DEXI: variants seen among roughly 807,000 people sequenced by gnomAD.
DEXI encodes Dexi homolog, also known as dexamethasone-induced protein.
Under a neutral mutation model 2.5 loss-of-function variants are expected in DEXI, and 2 were observed. That is an observed-to-expected ratio of 0.81 (90% CI 0.33 to 2.55). The LOEUF (loss-of-function observed/expected upper bound fraction) is 2.55. DEXI is among the 30% of genes most tolerant of loss of function. DEXI has a pLI of 0.11. For missense variants in DEXI, 108 were observed against 130.3 expected, an observed-to-expected ratio of 0.83 and a Z score of 0.83; for synonymous variants, 71 against 68.7, an observed-to-expected ratio of 1.03 and a Z score of -0.17.
chr16:10,938,274 G>A lies in DEXI; in HGVS notation c.*149+3295C>T, dbSNP rs1398647210. 1.3e-5 allele frequency: 2 copies of A among 151,902 alleles called. No individual in the cohort carries two copies. Among genetic ancestry groups the A allele is most frequent in the African/African-American group, 4.8e-5 (2 of 41,340 alleles). The allele number at this position is 151,902 out of a possible 1,614,324, so 9.4% of individuals were successfully genotyped here. A position where few individuals can be genotyped will look rare whatever the true frequency, so the allele number is the denominator to read the frequency against. Reference sequence around the variant, plus strand: ...CAGCTACCCTGGGATGTGAACCCAGGGCCCTGGCTCTTAACCATGACCCTA... The same window carrying A: ...CAGCTACCCTGGGATGTGAACCCAGAGCCCTGGCTCTTAACCATGACCCTA... On this transcript the variant is annotated intron_variant, in intron 1 of 1. Coordinates refer to ENST00000331808, the MANE Select transcript of DEXI (RefSeq NM_014015.4). The surrounding 1 kb of genome is among the most constrained non-coding windows in gnomAD (Gnocchi z 4.9).
In DEXI at chr16:10,941,977, A is replaced by G. The variant is rs1175797845; in HGVS notation, c.29T>C (p.Leu10Pro). Reference protein sequence around the residue: MLGARVAAHLDALGPLVPYV... With the variant: MLGARVAAHPDALGPLVPYV... ...GGGGACCAGGGGGCCCAGTGCGTCCAGGTGGGCCGCGACCCGGGCGCCGAG... is the reference window on the plus strand; with the variant it reads ...GGGGACCAGGGGGCCCAGTGCGTCCGGGTGGGCCGCGACCCGGGCGCCGAG... The change falls in exon 1 of 2, where the codon CTG becomes CCG. Residue 10 changes from leucine (L) to proline (P), a missense_variant. Physicochemically the swap from Leu to Pro is moderately conservative, Grantham distance 98. Transcript: ENST00000331808. This position sits in a 1 kb window ranked among gnomAD's most constrained non-coding sequence, Gnocchi z 6.4. 6.6e-7 allele frequency: 1 copy of G among 1,508,410 alleles called. No homozygotes were observed. Among genetic ancestry groups the G allele is most frequent in the Admixed American group, 2.2e-5 (1 of 45,146 alleles). The allele number at this position is 1,508,410 out of a possible 1,614,324, so 93.4% of individuals were successfully genotyped here.
intron 1 of DEXI, chr16:10,931,525 T>C (rs770037855): frequency 2.0e-5 from 3 of 152,226 alleles, no homozygotes; most frequent in Non-Finnish European, 4.4e-5. Flanking sequence ...TTATAGCAAG[T>C]GATGCCAAGT....
Position 10,938,648 on chromosome 16 carries a change from G to C in DEXI, c.*149+2921C>G, listed in dbSNP as rs1173786875. 2 of 152,168 alleles carry C rather than the reference G, an allele frequency of 1.3e-5. No homozygotes were observed. The highest frequency in any genetic ancestry group is 4.8e-5 in the African/African-American group (2 of 41,432). The allele number at this position is 152,168 out of a possible 1,614,324, so 9.4% of individuals were successfully genotyped here. A position where few individuals can be genotyped will look rare whatever the true frequency, so the allele number is the denominator to read the frequency against. On this transcript the variant is annotated intron_variant, in intron 1 of 1. Transcript: ENST00000331808. This position sits in a 1 kb window ranked among gnomAD's most constrained non-coding sequence, Gnocchi z 4.9. ...TGCTAGCTACCCCTCTCATACCCTG[G>C]GGTTCTGAGCTTCCTCGGCACTTGG...
At chr16:10,932,985 G>A (rs1199371461) in intron 1 of DEXI, 1 of 152,178 alleles carries the variant, frequency 6.6e-6, no homozygotes, top group African/African-American at 2.4e-5. Context: ...GCAGCCTACA[G>A]GCCGCACCAC....
In DEXI at chr16:10,929,537, C is replaced by T. The variant is rs1445679621; in HGVS notation, c.*172G>A. ...TCAAACAGGAACCTCTCTGTTGGCA[C>T]GAAGCTTTTGAGGGGAGCAGGTCTA... On this transcript the variant is annotated 3_prime_UTR_variant, in exon 2 of 2. Coordinates refer to ENST00000331808, the MANE Select transcript of DEXI (RefSeq NM_014015.4). This position sits in a 1 kb window ranked among gnomAD's most constrained non-coding sequence, Gnocchi z 4.3. 7.1e-6 allele frequency: 7 copies of T among 985,346 alleles called. No individual in the cohort carries two copies. Among genetic ancestry groups the T allele is most frequent in the Non-Finnish European group, 8.4e-6 (7 of 829,976 alleles). 61.0% of individuals were successfully genotyped at this position (985,346 alleles called of 1,614,324 possible). A position where few individuals can be genotyped will look rare whatever the true frequency, so the allele number is the denominator to read the frequency against.
chr16:10,933,340 G>T (rs183746719), intron 1 of DEXI: 3 of 152,316 alleles, frequency 2.0e-5, no homozygotes, highest in Non-Finnish European at 4.4e-5. Context: ...AGATGGCCCT[G>T]GCGTTTTACG....
rs1345189481 is a variant in DEXI at position 10,941,389 on chromosome 16, G to A, written c.*149+180C>T. ...CCAGCTGTCCCCTTTGCTGGAGGAAGCTTTCCAGCCCAAACGAAGGGCTTA... is the reference window on the plus strand; with the variant it reads ...CCAGCTGTCCCCTTTGCTGGAGGAAACTTTCCAGCCCAAACGAAGGGCTTA... On this transcript the variant is annotated intron_variant, in intron 1 of 1. Transcript: ENST00000331808. This position sits in a 1 kb window ranked among gnomAD's most constrained non-coding sequence, Gnocchi z 6.4. The A allele has an allele frequency of 7.8e-6, 3 of 383,244 alleles. No homozygotes were observed. Among genetic ancestry groups the A allele is most frequent in the African/African-American group, 6.4e-5 (3 of 47,094 alleles). The allele number at this position is 383,244 out of a possible 1,614,324, so 23.7% of individuals were successfully genotyped here.
intron 1 of DEXI, chr16:10,936,716 C>A (rs2041032242): frequency 6.6e-6 from 1 of 152,222 alleles, no homozygotes; most frequent in Admixed American, 6.5e-5. Context: ...GGAGCCCTCA[C>A]TGGAGGCACC....
chr16:10,936,943 A>G (rs904623672), intron 1 of DEXI: 3 of 152,378 alleles, frequency 2.0e-5, no homozygotes, highest in South Asian at 4.1e-4. Flanking sequence ...AAATATGAAT[A>G]TCCAAATTGA....
chr16:10,932,002 G>T (rs2040818336), intron 1 of DEXI: 1 of 152,266 alleles, frequency 6.6e-6, no homozygotes, highest in Non-Finnish European at 1.5e-5. Flanking sequence ...GCTGCTGACA[G>T]TGTTGTATGA....
Position 10,941,981 on chromosome 16 carries a change from G to T in DEXI, c.25C>A (p.His9Asn). 1 of 1,505,024 alleles carries T rather than the reference G, an allele frequency of 6.6e-7. No individual in the cohort carries two copies. The highest frequency in any genetic ancestry group is 1.3e-5 in the South Asian group (1 of 79,140). The allele number at this position is 1,505,024 out of a possible 1,614,324, so 93.2% of individuals were successfully genotyped here. A position where few individuals can be genotyped will look rare whatever the true frequency, so the allele number is the denominator to read the frequency against. ...ACCAGGGGGCCCAGTGCGTCCAGGT[G>T]GGCCGCGACCCGGGCGCCGAGCATG... The part of the protein sequence containing the change: MLGARVAA[H>N]LDALGPLVPY... Residue 9 changes from histidine (H) to asparagine (N), a missense_variant, in exon 1 of 2, where the codon CAC becomes AAC. His to Asn is a moderately conservative substitution (Grantham distance 68, BLOSUM62 1). Coordinates refer to ENST00000331808, the MANE Select transcript of DEXI (RefSeq NM_014015.4). The surrounding 1 kb of genome is among the most constrained non-coding windows in gnomAD (Gnocchi z 6.4).
rs2041068671 is a variant in DEXI at position 10,939,219 on chromosome 16, A to G, written c.*149+2350T>C. The G allele has an allele frequency of 6.6e-6, 1 of 152,228 alleles. No homozygotes were observed. The highest frequency in any genetic ancestry group is 1.5e-5 in the Non-Finnish European group (1 of 68,064). The allele number at this position is 152,228 out of a possible 1,614,324, so 9.4% of individuals were successfully genotyped here. ...CTGTTCATGTTTCTCTATCTTCACT[A>G]AACTCCCCTCATCCAAGCCTCTGTC... On this transcript the variant is annotated intron_variant, in intron 1 of 1. Coordinates refer to ENST00000331808, the MANE Select transcript of DEXI (RefSeq NM_014015.4). The surrounding 1 kb of genome is among the most constrained non-coding windows in gnomAD (Gnocchi z 4.9).
chr16:10,935,578 T>C (rs2040992596), intron 1 of DEXI: 1 of 152,242 alleles, frequency 6.6e-6, no homozygotes, highest in Non-Finnish European at 1.5e-5. Flanking sequence ...GCATTTCATC[T>C]TAAACTGCAA....
rs1567470544 is a variant in DEXI at position 10,941,693 on chromosome 16, G to C, written c.*25C>G. 1.9e-6 allele frequency: 3 copies of C among 1,587,826 alleles called. No homozygotes were observed. The highest frequency in any genetic ancestry group is 2.3e-5 in the South Asian group (2 of 86,326). ...GGGCATGGGTTGCGGATCGTGTAGG[G>C]AAGAGGGGAACAGCAGTCGAGACCC... is the stretch of plus-strand genomic sequence containing the variant. On this transcript the variant is annotated 3_prime_UTR_variant, in exon 1 of 2. Transcript: ENST00000331808. The surrounding 1 kb of genome is among the most constrained non-coding windows in gnomAD (Gnocchi z 6.4).
Position 10,941,773 on chromosome 16 carries a change from G to A in DEXI, c.233C>T (p.Ser78Leu), listed in dbSNP as rs750982081. Residue 78 changes from serine (S) to leucine (L), a missense_variant, in exon 1 of 2, where the codon TCG becomes TTG. Coordinates refer to ENST00000331808, the MANE Select transcript of DEXI (RefSeq NM_014015.4). This position sits in a 1 kb window ranked among gnomAD's most constrained non-coding sequence, Gnocchi z 6.4. ...CTCCGAGTCAGCATCGTAAAGGCCC[G>A]AGCCGGGGTCGGAGAGCACGCCGAG... ...VDLGVLSDPG[S>L]GLYDADSELD... is the part of the protein sequence containing the mutation. 1.1e-5 allele frequency: 17 copies of A among 1,613,652 alleles called. 1 individual carries two copies. In the South Asian group the frequency reaches 1.6e-4, roughly 16 times the overall value.
rs1046478037 is a variant in DEXI at position 10,938,211 on chromosome 16, C to T, written c.*149+3358G>A. The stretch of plus-strand genomic sequence containing the variant: ...TATTTCCATCTTCTAGAAGAGGAAA[C>T]CAAAGTACAGGGAGGTTAAGCAGCA... On this transcript the variant is annotated intron_variant, in intron 1 of 1. Coordinates refer to ENST00000331808, the MANE Select transcript of DEXI (RefSeq NM_014015.4). This position sits in a 1 kb window ranked among gnomAD's most constrained non-coding sequence, Gnocchi z 4.9. The T allele has an allele frequency of 2.0e-5, 3 of 152,086 alleles. No homozygotes were observed. Among genetic ancestry groups the T allele is most frequent in the Non-Finnish European group, 4.4e-5 (3 of 68,022 alleles). 9.4% of individuals were successfully genotyped at this position (152,086 alleles called of 1,614,324 possible).
At position 10,937,413 on chromosome 16, in the gene DEXI, A is replaced by G. The variant is rs1347032805; in HGVS notation, c.*149+4156T>C. On this transcript the variant is annotated intron_variant, in intron 1 of 1. Transcript: ENST00000331808. The surrounding 1 kb of genome is among the most constrained non-coding windows in gnomAD (Gnocchi z 4.2). ...TGTCCGGCACAGGGGTTCTGCTGATAGCACAGGCCACAGATTGGCAAGGAG... is the reference window on the plus strand; with the variant it reads ...TGTCCGGCACAGGGGTTCTGCTGATGGCACAGGCCACAGATTGGCAAGGAG... The G allele has an allele frequency of 6.6e-6, 1 of 152,394 alleles. No individual in the cohort carries two copies. The highest frequency in any genetic ancestry group is 2.4e-5 in the African/African-American group (1 of 41,444). The allele number at this position is 152,394 out of a possible 1,614,324, so 9.4% of individuals were successfully genotyped here.
chr16:10,942,199 G>A lies in DEXI; in HGVS notation c.-194C>T, dbSNP rs2041111592. On this transcript the variant is annotated 5_prime_UTR_variant, in exon 1 of 2. Transcript: ENST00000331808. The surrounding 1 kb of genome is among the most constrained non-coding windows in gnomAD (Gnocchi z 5.0). ...TGCGCCGGGCGGGTCACCGCACCCCGAGATGTGCCCCCAAGGATCTCTCGA... is the reference window on the plus strand; with the variant it reads ...TGCGCCGGGCGGGTCACCGCACCCCAAGATGTGCCCCCAAGGATCTCTCGA... 6.9e-6 allele frequency: 3 copies of A among 437,450 alleles called. No individual in the cohort carries two copies. Among genetic ancestry groups the A allele is most frequent in the Non-Finnish European group, 1.2e-5 (3 of 257,718 alleles). The allele number at this position is 437,450 out of a possible 1,614,324, so 27.1% of individuals were successfully genotyped here.
Position 10,942,228 on chromosome 16 carries a change from C to A in DEXI, c.-223G>T. On this transcript the variant is annotated 5_prime_UTR_variant, in exon 1 of 2. Coordinates refer to ENST00000331808, the MANE Select transcript of DEXI (RefSeq NM_014015.4). The surrounding 1 kb of genome is among the most constrained non-coding windows in gnomAD (Gnocchi z 5.0). The stretch of plus-strand genomic sequence containing the variant: ...TGTGCCCCCAAGGATCTCTCGACCG[C>A]CCGGGCGGCGAGGCGGGCCCCCCTG... 1 of 391,880 alleles carries A rather than the reference C, an allele frequency of 2.6e-6. No homozygotes were observed. Among genetic ancestry groups the A allele is most frequent in the East Asian group, 4.7e-5 (1 of 21,332 alleles). The allele number at this position is 391,880 out of a possible 1,614,324, so 24.3% of individuals were successfully genotyped here. A position where few individuals can be genotyped will look rare whatever the true frequency, so the allele number is the denominator to read the frequency against.
Sources: gnomAD v4.1 joint callset for allele counts on GRCh38, gnomAD v4.1.1 for gene constraint, Gnocchi (gnomAD v3.1) non-coding constraint, MANE v1.5 for transcripts, NCBI Gene and HGNC (gene_info 2026-07-23, HGNC 2026-07-21) for gene names.